Variants in DPP6 observed in about 807,000 individuals in gnomAD.
DPP6 encodes the protein A-type potassium channel modulatory protein DPP6.
Under a neutral mutation model 122.6 loss-of-function variants are expected in DPP6, and 69 were observed. The ratio of observed to expected loss-of-function variants is 0.56; its 90% CI spans 0.46 to 0.69. The LOEUF is 0.69. Among genes scored for constraint, DPP6 ranks in the 30% least tolerant of loss-of-function variants. The pLI, the probability that DPP6 is intolerant of heterozygous loss-of-function variation, is 0.00. For missense variants in DPP6, 928 were observed against 1,116.9 expected (o/e 0.83, Z 2.41); for synonymous variants, 418 against 433.1 (o/e 0.97, Z 0.43).
chr7:154,888,819 C>T (rs1438041999), intron 23 of DPP6, among the ~76,000 whole-genome samples: 2 of 152,194 alleles, frequency 1.3e-5, no homozygotes, highest in African/African-American at 4.8e-5. Context: ...TACAGTTCCA[C>T]ATGGCTGGGG....
chr7:154,328,403 G>T (rs575164266), intron 1 of DPP6, among the ~76,000 whole-genome samples: 1 of 152,236 alleles, frequency 6.6e-6, no homozygotes, highest in South Asian at 2.1e-4. Flanking sequence ...TTCAATTAGT[G>T]GAATATTTAC....
At chr7:154,791,705 A>T (rs927449776) in intron 10 of DPP6, among the ~76,000 whole-genome samples, 1 of 152,228 alleles carries the variant, frequency 6.6e-6, no homozygotes, top group Non-Finnish European at 1.5e-5. Context: ...TAAAGCCATG[A>T]AGCAGGCTTG....
the DPP6 span, among the ~76,000 whole-genome samples, chr7:153,822,181 CTTTT>C: frequency 3.2e-5 from 2 of 61,888 alleles, no homozygotes; most frequent in Non-Finnish European, 5.9e-5. Flanking sequence ...GGGGGGGAAT[CTTTT>C]TTTTTTTTTT....
chr7:154,135,804 G>A (rs1795523325), intron 1 of DPP6, among the ~76,000 whole-genome samples: 1 of 149,966 alleles, frequency 6.7e-6, no homozygotes, highest in South Asian at 2.1e-4. Flanking sequence ...CACTTTCTGT[G>A]AGCCCATGCT....
chr7:154,679,480 A>T (rs1292073368), intron 7 of DPP6, among the ~76,000 whole-genome samples: 1 of 152,124 alleles, frequency 6.6e-6, no homozygotes, highest in African/African-American at 2.4e-5. Context: ...ACCACCAGGG[A>T]GCTGAGCAGA....
intron 3 of DPP6, among the ~76,000 whole-genome samples, chr7:154,527,138 C>G (rs1479528206): frequency 6.6e-6 from 1 of 152,172 alleles, no homozygotes; most frequent in Non-Finnish European, 1.5e-5. Flanking sequence ...ACCTCCAAAT[C>G]TGTTTGTTTT....
the DPP6 span, among the ~76,000 whole-genome samples, chr7:153,840,888 A>G: frequency 6.6e-6 from 1 of 152,212 alleles, no homozygotes; most frequent in African/African-American, 2.4e-5. Context: ...AGAAGTTCAA[A>G]TGAGGGTTTC....
chr7:154,172,792 G>A (rs1034009989), intron 1 of DPP6, among the ~76,000 whole-genome samples: 2 of 151,790 alleles, frequency 1.3e-5, no homozygotes, highest in African/African-American at 4.8e-5. Context: ...GTAGAAAGGG[G>A]GTTTTGCCAT....
At chr7:153,895,370 A>C (rs1328610644) in intron 1 of DPP6, among the ~76,000 whole-genome samples, 1 of 152,146 alleles carries the variant, frequency 6.6e-6, no homozygotes, top group East Asian at 1.9e-4. Context: ...CGAATAAGGA[A>C]ATTTGAATAG....
intron 6 of DPP6, among the ~76,000 whole-genome samples, chr7:154,667,035 G>A (rs993105416): frequency 1.3e-5 from 2 of 152,162 alleles, no homozygotes; most frequent in African/African-American, 4.8e-5. Context: ...TCATAGGTGA[G>A]AAATGATATC....
At chr7:154,210,040 G>T (rs114877333) in intron 1 of DPP6, among the ~76,000 whole-genome samples, 1 of 152,142 alleles carries the variant, frequency 6.6e-6, no homozygotes, top group Admixed American at 6.5e-5. Context: ...CTCTGGCTTG[G>T]TTGGGAAAAC....
the DPP6 span, among the ~76,000 whole-genome samples, chr7:153,829,062 A>G: frequency 1.1e-4 from 16 of 152,204 alleles, no homozygotes; most frequent in African/African-American, 3.9e-4. Flanking sequence ...GCATCTGCGT[A>G]GCTAGTTAAG....
At chr7:154,283,214 A>G (rs1804640570) in intron 1 of DPP6, among the ~76,000 whole-genome samples, 1 of 152,142 alleles carries the variant, frequency 6.6e-6, no homozygotes, top group African/African-American at 2.4e-5. Flanking sequence ...GAGAGACAGA[A>G]GCGAGTAGAG....
At chr7:153,769,189 GT>G in the DPP6 span, among the ~76,000 whole-genome samples, 2 of 152,078 alleles carry the variant, frequency 1.3e-5, no homozygotes, top group Non-Finnish European at 1.5e-5. Flanking sequence ...ACATGAGATT[GT>G]GGTGTCCACA....
chr7:154,843,184 C>T (rs1801688538), intron 16 of DPP6, among the ~76,000 whole-genome samples: 1 of 152,198 alleles, frequency 6.6e-6, no homozygotes, highest in Non-Finnish European at 1.5e-5. Flanking sequence ...TGCCTGGAGT[C>T]CCAGCTACTT....
At chr7:154,627,778 A>G (rs2130884396) in intron 5 of DPP6, among the ~76,000 whole-genome samples, 1 of 152,334 alleles carries the variant, frequency 6.6e-6, no homozygotes, top group South Asian at 2.1e-4. Flanking sequence ...AAGTTTTGGC[A>G]AGATGCCGGG....
chr7:154,034,070 T>C (rs1418958003), intron 1 of DPP6, among the ~76,000 whole-genome samples: 1 of 152,230 alleles, frequency 6.6e-6, no homozygotes, highest in Non-Finnish European at 1.5e-5. Context: ...CTAGTAATAG[T>C]GTTCACAGCT....
chr7:154,290,951 A>G (rs1805168983), intron 1 of DPP6, among the ~76,000 whole-genome samples: 1 of 152,216 alleles, frequency 6.6e-6, no homozygotes, highest in South Asian at 2.1e-4. Context: ...GATGTTCAAT[A>G]AAAATTAAAC....
chr7:154,242,045 T>C (rs1007290607), intron 1 of DPP6, among the ~76,000 whole-genome samples: 10 of 152,236 alleles, frequency 6.6e-5, no homozygotes, highest in Non-Finnish European at 1.5e-4. Flanking sequence ...CAGAAGTCAC[T>C]CTTGGATTTT....
Sources: allele counts gnomAD v4.1 joint callset (sites outside exome capture counted in the v4.1 genomes callset), GRCh38; gene constraint gnomAD v4.1.1; transcripts MANE v1.5; gene names NCBI Gene and HGNC (gene_info 2026-07-23, HGNC 2026-07-21).